Variants in SHANK2 observed in about 807,000 individuals in gnomAD.
SHANK2 encodes SH3 and multiple ankyrin repeat domains protein 2.
SHANK2 carries 43 observed loss-of-function variants against 133.7 expected under a neutral mutation model. That is an observed-to-expected ratio of 0.32 (90% confidence interval 0.25 to 0.41). SHANK2 has a LOEUF of 0.41. Ranked by LOEUF, SHANK2 falls within the 10% of genes least tolerant of loss-of-function variation. The pLI, the probability that SHANK2 is intolerant of heterozygous loss-of-function variation, is 1.00. For synonymous variants in SHANK2, 1,017 were observed against 952.8 expected (o/e 1.07, Z -1.24); for missense variants, 1,994 against 2,235.8 (o/e 0.89, Z 2.18).
intron 17 of SHANK2, 104 bp from the exon 18 acceptor site, chr11:70,503,035 A>C: frequency 4.6e-6 from 6 of 1,306,902 alleles, no homozygotes; most frequent in Non-Finnish European, 6.6e-6. Context: ...AAGGGGGCAA[A>C]TGCAGGGAAG....
At chr11:70,952,392 C>T (rs575108190) in intron 10 of SHANK2, among the ~76,000 whole-genome samples, 12 of 152,322 alleles carry the variant, frequency 7.9e-5, no homozygotes, top group South Asian at 2.1e-4. Flanking sequence ...TCCAAGGGTG[C>T]GCTGTGGAAA....
chr11:70,920,734 T>C (rs1555080575), intron 10 of SHANK2, among the ~76,000 whole-genome samples: 1 of 152,190 alleles, frequency 6.6e-6, no homozygotes, highest in Non-Finnish European at 1.5e-5. Flanking sequence ...TGCTGGTAAG[T>C]GCTGGCAGCA....
At chr11:71,085,563 AT>A (rs1171691254) in intron 8 of SHANK2, among the ~76,000 whole-genome samples, 4 of 82,538 alleles carry the variant, frequency 4.8e-5, no homozygotes, top group Non-Finnish European at 8.6e-5. Flanking sequence ...ATTATATTAT[AT>A]AAAATATATA....
At chr11:70,724,694 G>A (rs551553183) in intron 14 of SHANK2, among the ~76,000 whole-genome samples, 1 of 152,390 alleles carries the variant, frequency 6.6e-6, no homozygotes, top group South Asian at 2.1e-4. Context: ...GTCCTGTGGA[G>A]AGCTGTGTCG....
intron 3 of SHANK2, among the ~76,000 whole-genome samples, chr11:71,140,001 G>C (rs548979916): frequency 6.6e-6 from 1 of 152,308 alleles, no homozygotes; most frequent in South Asian, 2.1e-4. Context: ...CCCAGTGGAC[G>C]GGCACTGGGG....
At chr11:70,865,766 T>C (rs1159283316) in intron 11 of SHANK2, among the ~76,000 whole-genome samples, 1 of 152,252 alleles carries the variant, frequency 6.6e-6, no homozygotes, top group Non-Finnish European at 1.5e-5. Context: ...TCTCTCAAAA[T>C]GAGCCTCAGA....
chr11:70,932,952 C>G (rs575719175), intron 10 of SHANK2, among the ~76,000 whole-genome samples: 3 of 152,166 alleles, frequency 2.0e-5, no homozygotes, highest in Non-Finnish European at 4.4e-5. Flanking sequence ...GAAAACAGTA[C>G]AGCCGTTCCT....
At chr11:71,243,828 A>G (rs930542807) in intron 1 of SHANK2, among the ~76,000 whole-genome samples, 1 of 152,226 alleles carries the variant, frequency 6.6e-6, no homozygotes, top group African/African-American at 2.4e-5. Flanking sequence ...AAGAAGAAAC[A>G]GAAAATCTAA....
chr11:71,230,293 TA>T (rs1366255017), intron 1 of SHANK2, among the ~76,000 whole-genome samples: 1 of 149,532 alleles, frequency 6.7e-6, no homozygotes, highest in African/African-American at 2.5e-5. Context: ...GACTCTGCCT[TA>T]AAAAAAGCTG....
chr11:70,544,196 T>C (rs2059659620), intron 17 of SHANK2, among the ~76,000 whole-genome samples: 1 of 152,068 alleles, frequency 6.6e-6, no homozygotes, highest in African/African-American at 2.4e-5. Flanking sequence ...ATCTCCACTC[T>C]CCACATGCAG....
intron 17 of SHANK2, among the ~76,000 whole-genome samples, chr11:70,553,382 C>A (rs1262119227): frequency 6.6e-6 from 1 of 152,174 alleles, no homozygotes; most frequent in African/African-American, 2.4e-5. Flanking sequence ...CGTGAGCCAC[C>A]GTGCCCGGCC....
intron 10 of SHANK2, among the ~76,000 whole-genome samples, chr11:70,923,603 G>A (rs1565408079): frequency 6.6e-6 from 1 of 152,110 alleles, no homozygotes; most frequent in African/African-American, 2.4e-5. Flanking sequence ...GAGTGCAGTG[G>A]CGTGACGTAA....
chr11:70,702,277 T>C (rs1236489808), intron 14 of SHANK2, among the ~76,000 whole-genome samples: 3 of 150,248 alleles, frequency 2.0e-5, no homozygotes, highest in Non-Finnish European at 3.0e-5. Flanking sequence ...ACCACCATCA[T>C]CATCATCACC....
intron 17 of SHANK2, among the ~76,000 whole-genome samples, chr11:70,625,795 T>C (rs755306022): frequency 8.7e-6 from 1 of 114,646 alleles, no homozygotes; most frequent in Non-Finnish European, 1.6e-5. Flanking sequence ...GCCTCTTGGA[T>C]CTCTGTGCAA....
At position 70,732,214 on chromosome 11, in the gene SHANK2, C is replaced by T. The variant is rs527471297; in HGVS notation, c.1778-33451G>A. ...CATCACCCCATCTCTGCCCTGGCGC[C>T]TCATCCAGTTGCTGAAGCCGCAAGC... On this transcript the variant is annotated intron_variant, in intron 14 of 25. Coordinates refer to ENST00000601538, the MANE Select transcript of SHANK2 (RefSeq NM_012309.5). Among the ~76,000 whole-genome samples, 7 of 152,332 alleles carry T rather than the reference C, an allele frequency of 4.6e-5. No homozygotes were observed. The South Asian group carries it at 1.5e-3, about 32-fold the overall frequency.
Position 70,470,967 on chromosome 11 carries a change from A to G in SHANK2, c.*1902T>C, listed in dbSNP as rs1283006243. Reference sequence around the variant, plus strand: ...CGAAGTTCTAGCAAAGATAGAAAATATAACACAGCTCTGCTGGTTCAGATG... The same window carrying G: ...CGAAGTTCTAGCAAAGATAGAAAATGTAACACAGCTCTGCTGGTTCAGATG... On this transcript the variant is annotated 3_prime_UTR_variant, in exon 26 of 26. Coordinates refer to ENST00000601538, the MANE Select transcript of SHANK2 (RefSeq NM_012309.5). 5 of 250,954 alleles carry G rather than the reference A, an allele frequency of 2.0e-5. No individual in the cohort carries two copies. The highest frequency in any genetic ancestry group is 3.7e-5 in the Non-Finnish European group (5 of 133,422). 15.5% of individuals were successfully genotyped at this position (250,954 alleles called of 1,614,324 possible).
At chr11:70,767,571 T>C (rs1947148729) in intron 14 of SHANK2, among the ~76,000 whole-genome samples, 1 of 151,894 alleles carries the variant, frequency 6.6e-6, no homozygotes. Flanking sequence ...GGACGAGCCT[T>C]GAGAACATGG....
At chr11:70,899,261 G>A (rs1949989858) in intron 10 of SHANK2, among the ~76,000 whole-genome samples, 1 of 152,174 alleles carries the variant, frequency 6.6e-6, no homozygotes, top group Non-Finnish European at 1.5e-5. Context: ...TCTCGTGATA[G>A]TGAGTGAGTT....
At chr11:70,585,852 A>C (rs1264060097) in intron 17 of SHANK2, among the ~76,000 whole-genome samples, 3 of 35,688 alleles carry the variant, frequency 8.4e-5, no homozygotes, top group African/African-American at 1.3e-4. Flanking sequence ...CCACCCATGC[A>C]TTTGTCCATC....
Sources: allele counts gnomAD v4.1 joint callset (sites outside exome capture counted in the v4.1 genomes callset), GRCh38; gene constraint gnomAD v4.1.1; transcripts MANE v1.5; gene names NCBI Gene and HGNC (gene_info 2026-07-23, HGNC 2026-07-21).